The following OASL variants were observed in gnomAD, a reference collection of about 807,000 sequenced individuals.
OASL encodes the protein 2'-5'-oligoadenylate synthase-like protein.
OASL carries 28 observed loss-of-function variants against 35.3 expected under a neutral mutation model. That is an observed-to-expected ratio of 0.79 (90% CI 0.59 to 1.09). The LOEUF is 1.09. Among genes scored for constraint, OASL ranks in the 50% least tolerant of loss-of-function variants. The pLI, the probability that OASL is intolerant of heterozygous loss-of-function variation, is 0.00. For synonymous variants in OASL, 252 were observed against 254.6 expected (o/e 0.99, Z 0.10); for missense variants, 620 against 635.2 (o/e 0.98, Z 0.26).
At chr12:121,032,558 A>AT (rs1313836901) in intron 2 of OASL, among the ~76,000 whole-genome samples, 1 of 152,182 alleles carries the variant, frequency 6.6e-6, no homozygotes, top group East Asian at 1.9e-4. Context: ...GGTTCGCTCC[A>AT]TAATGGGACT....
Position 121,020,535 on chromosome 12 carries a change from T to C in OASL, c.*26A>G, listed in dbSNP as rs775812685. On this transcript the variant is annotated 3_prime_UTR_variant, in exon 6 of 6. Coordinates refer to ENST00000257570, the Ensembl canonical transcript of OASL. Reference sequence around the variant, plus strand: ...TGAGTTCTGGAGTACATGGCAGAAATGTACAGAGAAGTCTCCCAGAGAAAA... The same window carrying C: ...TGAGTTCTGGAGTACATGGCAGAAACGTACAGAGAAGTCTCCCAGAGAAAA... The C allele has an allele frequency of 5.1e-6, 8 of 1,572,142 alleles. No homozygotes were observed. In the Admixed American group the frequency reaches 5.4e-5, roughly 11 times the overall value.
chr12:121,031,060 C>A (rs2260445), intron 3 of OASL, among the ~76,000 whole-genome samples: 68,162 of 151,728 alleles, frequency 0.45, 16,046 homozygotes, highest in East Asian at 0.74. Context: ...ATCACTTGAG[C>A]CAGGGAGGTC....
At chr12:121,033,385 T>G in intron 2 of OASL, 76 bp downstream of exon 2, 3 of 1,464,108 alleles carry the variant, frequency 2.0e-6, no homozygotes, top group East Asian at 4.6e-5. Flanking sequence ...CACGTGGCCA[T>G]GAGTAAAGGT....
chr12:121,034,743 A>C (rs562449702), intron 1 of OASL, among the ~76,000 whole-genome samples: 50 of 152,236 alleles, frequency 3.3e-4, no homozygotes, highest in African/African-American at 1.2e-3. Flanking sequence ...TTGGAACAAG[A>C]GTCACTGGGC....
chr12:121,021,585 C>T (rs1246842499), intron 5 of OASL, among the ~76,000 whole-genome samples: 1 of 152,212 alleles, frequency 6.6e-6, no homozygotes, highest in Non-Finnish European at 1.5e-5. Flanking sequence ...CCAAGGCGGG[C>T]AGATCACTTG....
rs1869762163 is a variant in OASL at position 121,032,155 on chromosome 12, T to C, written c.482-538A>G. On this transcript the variant is annotated intron_variant, in intron 2 of 5. Coordinates refer to ENST00000257570, the Ensembl canonical transcript of OASL. ...TTGCAGTGAGCCGAGATCACGGCAC[T>C]GCACTCCAGCCTGGGCGACAGAGCG... 2.0e-5 allele frequency among the ~76,000 whole-genome samples: 3 copies of C among 152,110 alleles called. No individual in the cohort carries two copies. In the South Asian group the frequency reaches 6.2e-4, roughly 31 times the overall value.
At chr12:121,036,839 G>A (rs934485658) in intron 1 of OASL, among the ~76,000 whole-genome samples, 2 of 152,126 alleles carry the variant, frequency 1.3e-5, no homozygotes, top group Non-Finnish European at 2.9e-5. Context: ...CTGTTTCTGA[G>A]CATTTATCGT....
intron 3 of OASL, 63 bp from the exon 4 acceptor site, chr12:121,027,880 T>C (rs973511766): frequency 6.9e-7 from 1 of 1,450,434 alleles, no homozygotes; most frequent in Non-Finnish European, 9.6e-7. Flanking sequence ...AGGATGGCGT[T>C]GGACCAGAAG....
chr12:121,033,829 G>C (rs894771433), intron 1 of OASL, 86 bp from the exon 2 acceptor site: 2 of 1,416,156 alleles, frequency 1.4e-6, no homozygotes, highest in African/African-American at 2.8e-5. Context: ...CTGTCTCACT[G>C]AATGCTCACC....
chr12:121,024,075 ATGTCCCATC>A, exon 5 of OASL: 1 of 1,614,088 alleles, frequency 6.2e-7, no homozygotes, highest in Non-Finnish European at 8.5e-7. Flanking sequence ...CTGAGCAACG[ATGTCCCATC>A]TGTACCCTTC....
chr12:121,026,936 T>G (rs1482576575), intron 4 of OASL, among the ~76,000 whole-genome samples: 1 of 151,432 alleles, frequency 6.6e-6, no homozygotes, highest in Non-Finnish European at 1.5e-5. Flanking sequence ...ATCCACCAAC[T>G]CCCACCAGAT....
At chr12:121,022,085 C>CTTTTTT in intron 5 of OASL, among the ~76,000 whole-genome samples, 1 of 108,068 alleles carries the variant, frequency 9.3e-6, no homozygotes, top group Non-Finnish European at 1.8e-5. Flanking sequence ...AAGTTTTGTT[C>CTTTTTT]TTTTTTTTTT....
exon 2 of OASL, chr12:121,033,544 G>A (rs1869828830): frequency 3.7e-6 from 6 of 1,614,126 alleles, no homozygotes; most frequent in Non-Finnish European, 5.1e-6. Context: ...GAGAGCATCG[G>A]GGACTCTCTG....
chr12:121,024,004 T>G (rs983980209), exon 5 of OASL: 2 of 1,614,058 alleles, frequency 1.2e-6, no homozygotes, highest in Non-Finnish European at 1.7e-6. Flanking sequence ...ACGTTCCAGC[T>G]GGAGATGGGG....
chr12:121,037,252 T>A (rs1444512778), intron 1 of OASL, among the ~76,000 whole-genome samples: 1 of 152,160 alleles, frequency 6.6e-6, no homozygotes, highest in Non-Finnish European at 1.5e-5. Context: ...GTTTACTTAA[T>A]TTTTTAAGTG....
intron 1 of OASL, among the ~76,000 whole-genome samples, 162 bp downstream of exon 1, chr12:121,038,612 A>T (rs958649526): frequency 2.6e-5 from 4 of 152,230 alleles, no homozygotes; most frequent in African/African-American, 9.6e-5. Context: ...TACTCAAGGC[A>T]GTGGTGCAGT....
At chr12:121,032,020 A>C (rs1444773759) in intron 2 of OASL, among the ~76,000 whole-genome samples, 1 of 152,068 alleles carries the variant, frequency 6.6e-6, no homozygotes, top group Non-Finnish European at 1.5e-5. Flanking sequence ...GTGAAATCCT[A>C]TCTCTACTAA....
At chr12:121,026,544 G>C (rs921082123) in intron 4 of OASL, among the ~76,000 whole-genome samples, 1 of 152,276 alleles carries the variant, frequency 6.6e-6, no homozygotes, top group Non-Finnish European at 1.5e-5. Flanking sequence ...CACTGGAGGC[G>C]ATCTTTAGGA....
At chr12:121,039,120 G>A in exon 1 of OASL, 1 of 655,242 alleles carries the variant, frequency 1.5e-6, no homozygotes, top group South Asian at 1.8e-5. Context: ...AGGAAACCAG[G>A]TGTGACGGGC....
Sources: allele counts gnomAD v4.1 joint callset (sites outside exome capture counted in the v4.1 genomes callset), GRCh38; gene constraint gnomAD v4.1.1; transcripts MANE v1.5; gene names NCBI Gene and HGNC (gene_info 2026-07-23, HGNC 2026-07-21).